ATP8B2: variants seen among roughly 807,000 people sequenced by gnomAD.
ATP8B2 encodes phospholipid-transporting ATPase ID.
ATP8B2 carries 70 observed loss-of-function variants against 133.4 expected under a neutral mutation model. The observed-to-expected ratio is 0.52, with a 90% CI of 0.43 to 0.64. The LOEUF (loss-of-function observed/expected upper bound fraction) is 0.64. Ranked by LOEUF, ATP8B2 falls within the 30% of genes least tolerant of loss-of-function variation. ATP8B2 has a pLI of 0.00. For missense variants in ATP8B2, 1,101 were observed against 1,535.7 expected, an observed-to-expected ratio of 0.72 and a Z score of 4.73; for synonymous variants, 517 against 589.5, an observed-to-expected ratio of 0.88 and a Z score of 1.78.
intron 1 of ATP8B2, 154 bp from the exon 2 acceptor site, chr1:154,327,951 A>G: frequency 6.5e-7 from 1 of 1,536,606 alleles, no homozygotes; most frequent in South Asian, 1.1e-5. Context: ...TTTCCCAGGA[A>G]CCCATCATGG....
rs768814051 is a variant in ATP8B2 at position 154,345,381 on chromosome 1, G to A, written c.2530G>A (p.Asp844Asn). 15 of 1,614,088 alleles carry A rather than the reference G, an allele frequency of 9.3e-6. No homozygotes were observed. The highest frequency in any genetic ancestry group is 1.7e-5 in the Admixed American group (1 of 59,992). ...QEGIQAVLAS[D>N]YSFSQFKFLQ... ...AGGGATCCAGGCTGTCTTGGCCTCC[G>A]ATTACTCCTTCTCCCAGTTCAAGTT... The change falls in exon 23 of 28, where the codon GAT (aspartate) becomes AAT (asparagine). Residue 844 changes from aspartate (D) to asparagine (N), a missense_variant. By Grantham distance (23) the Asp-to-Asn change is conservative (BLOSUM62 1). Transcript: ENST00000368489. The surrounding 1 kb of genome is among the most constrained non-coding windows in gnomAD (Gnocchi z 5.6).
In ATP8B2 at chr1:154,340,959, C is replaced by G; in HGVS notation, c.1140C>G (p.Asn380Lys). 1 of 1,614,176 alleles carries G rather than the reference C, an allele frequency of 6.2e-7. No homozygotes were observed. Among genetic ancestry groups the G allele is most frequent in the Non-Finnish European group, 8.5e-7 (1 of 1,180,034 alleles). ...TPAEARTTTL[N>K]EELGQVEYIF... ...CAGAAGCCCGCACCACCACCCTAAACGAGGAGCTGGGCCAGGTGGAGTACA... is the reference window on the plus strand; with the variant it reads ...CAGAAGCCCGCACCACCACCCTAAAGGAGGAGCTGGGCCAGGTGGAGTACA... Residue 380 changes from asparagine (N) to lysine (K), a missense_variant, in exon 13 of 28, where the codon AAC becomes AAG. Asn to Lys is a moderately conservative substitution (Grantham distance 94). Coordinates refer to ENST00000368489, the MANE Select transcript of ATP8B2 (RefSeq NM_001370597.1). The surrounding 1 kb of genome is among the most constrained non-coding windows in gnomAD (Gnocchi z 4.0).
chr1:154,331,301 C>T lies in ATP8B2; in HGVS notation c.304-143C>T, dbSNP rs868427458. On this transcript the variant is annotated intron_variant, in intron 5 of 27. Coordinates refer to ENST00000368489, the MANE Select transcript of ATP8B2 (RefSeq NM_001370597.1). The surrounding 1 kb of genome is among the most constrained non-coding windows in gnomAD (Gnocchi z 4.8). ...AGATCCATGATGTCTTTTTGCTGAGCGTGGGGAGAGGGAATCAGGGAGTGA... is the reference window on the plus strand; with the variant it reads ...AGATCCATGATGTCTTTTTGCTGAGTGTGGGGAGAGGGAATCAGGGAGTGA... 1.5e-5 allele frequency: 17 copies of T among 1,133,244 alleles called. No individual in the cohort carries two copies. The highest frequency in any genetic ancestry group is 2.7e-4 in the Middle Eastern group (1 of 3,652). 70.2% of individuals were successfully genotyped at this position (1,133,244 alleles called of 1,614,324 possible). A position where few individuals can be genotyped will look rare whatever the true frequency, so the allele number is the denominator to read the frequency against.
Position 154,332,611 on chromosome 1 carries a change from C to G in ATP8B2, c.510-7C>G. The G allele has an allele frequency of 6.3e-7, 1 of 1,581,256 alleles. No homozygotes were observed. Among genetic ancestry groups the G allele is most frequent in the Non-Finnish European group, 8.6e-7 (1 of 1,162,040 alleles). On this transcript the variant is annotated splice_region_variant and splice_polypyrimidine_tract_variant and intron_variant, in intron 8 of 27. Coordinates refer to ENST00000368489, the MANE Select transcript of ATP8B2 (RefSeq NM_001370597.1). ...GGAGCGGGGACTCAGAGATACTGTC[C>G]TTCCAGCGAGACCAACATGAAAGTA...
chr1:154,332,493 G>A lies in ATP8B2; in HGVS notation c.510-125G>A. On this transcript the variant is annotated intron_variant, in intron 8 of 27. Coordinates refer to ENST00000368489, the MANE Select transcript of ATP8B2 (RefSeq NM_001370597.1). ...GGATTGTTTGAGCCCAGGAGTTCGA[G>A]GCTTTAGTGAGCTATGATTGTGCGA... 2 of 736,952 alleles carry A rather than the reference G, an allele frequency of 2.7e-6. 1 individual carries two copies. Among genetic ancestry groups the A allele is most frequent in the Non-Finnish European group, 4.6e-6 (2 of 437,212 alleles). 45.7% of individuals were successfully genotyped at this position (736,952 alleles called of 1,614,324 possible).
At chr1:154,337,026 G>C (rs1455553115) in intron 11 of ATP8B2, among the ~76,000 whole-genome samples, 1 of 151,812 alleles carries the variant, frequency 6.6e-6, no homozygotes, top group Non-Finnish European at 1.5e-5. Context: ...TCAAACTCCT[G>C]ACCTCAGGTG....
In ATP8B2 at chr1:154,346,568, G is replaced by A. The variant is rs1570872361; in HGVS notation, c.3025-52G>A. On this transcript the variant is annotated intron_variant, in intron 25 of 27. Coordinates refer to ENST00000368489, the MANE Select transcript of ATP8B2 (RefSeq NM_001370597.1). This position sits in a 1 kb window ranked among gnomAD's most constrained non-coding sequence, Gnocchi z 4.5. ...CTGGGCACCACAGTTCTGTTTCTGG[G>A]GGAAGGGGCTTTTAGGGCGTGCGCC... 1 of 1,612,128 alleles carries A rather than the reference G, an allele frequency of 6.2e-7. No individual in the cohort carries two copies. Among genetic ancestry groups the A allele is most frequent in the East Asian group, 2.2e-5 (1 of 44,856 alleles).
chr1:154,342,712 G>A, intron 14 of ATP8B2, 84 bp from the exon 15 acceptor site: 1 of 1,528,494 alleles, frequency 6.5e-7, no homozygotes, highest in Non-Finnish European at 9.0e-7. Context: ...AGCCTACTGA[G>A]AGTTGGGAGG....
intron 1 of ATP8B2, among the ~76,000 whole-genome samples, chr1:154,326,676 C>T (rs1685803692): frequency 6.6e-6 from 1 of 152,212 alleles, no homozygotes; most frequent in South Asian, 2.1e-4. Flanking sequence ...TTTCCTGGTC[C>T]ATATCCAGAC....
At chr1:154,332,142 GA>G (rs1447729014) in intron 8 of ATP8B2, 118 bp downstream of exon 8, 1 of 1,000,142 alleles carries the variant, frequency 1.0e-6, no homozygotes. Flanking sequence ...TTAGGGGTAA[GA>G]AAGGCTTTGG....
At position 154,345,464 on chromosome 1, in the gene ATP8B2, T is replaced by C. The variant is rs1387079407; in HGVS notation, c.2613T>C (p.Phe871=). Residue 871 remains phenylalanine (F), a synonymous_variant, in exon 23 of 28, where the codon TTT becomes TTC. Coordinates refer to ENST00000368489, the MANE Select transcript of ATP8B2 (RefSeq NM_001370597.1). The surrounding 1 kb of genome is among the most constrained non-coding windows in gnomAD (Gnocchi z 5.6). ...GGTCCTACCTGCGAATGTGCAAGTTTCTTTGCTATTTCTTCTACAAAAACT... is the reference window on the plus strand; with the variant it reads ...GGTCCTACCTGCGAATGTGCAAGTTCCTTTGCTATTTCTTCTACAAAAACT... The part of the protein sequence containing the change: ...GRWSYLRMCK[F]LCYFFYKNFA... 1 of 1,614,108 alleles carries C rather than the reference T, an allele frequency of 6.2e-7. No homozygotes were observed. The highest frequency in any genetic ancestry group is 8.5e-7 in the Non-Finnish European group (1 of 1,180,050).
chr1:154,340,693 A>G lies in ATP8B2; in HGVS notation c.1035-161A>G, dbSNP rs2149170427. 7 of 676,096 alleles carry G rather than the reference A, an allele frequency of 1.0e-5. No homozygotes were observed. Among genetic ancestry groups the G allele is most frequent in the Non-Finnish European group, 1.3e-5 (5 of 384,632 alleles). The allele number at this position is 676,096 out of a possible 1,614,324, so 41.9% of individuals were successfully genotyped here. On this transcript the variant is annotated intron_variant, in intron 12 of 27. Coordinates refer to ENST00000368489, the MANE Select transcript of ATP8B2 (RefSeq NM_001370597.1). The surrounding 1 kb of genome is among the most constrained non-coding windows in gnomAD (Gnocchi z 4.0). ...CTGCTGGCTGTGTGCAGCCGGCTCC[A>G]CCTTCAGGCTCTCCTTGCCCTTTCC...
At chr1:154,339,896 T>A (rs1455704481) in intron 12 of ATP8B2, among the ~76,000 whole-genome samples, 2 of 152,070 alleles carry the variant, frequency 1.3e-5, no homozygotes. Context: ...AAAGGCACTA[T>A]AGGGGCCAGG....
Position 154,343,206 on chromosome 1 carries a change from A to C in ATP8B2, c.1547A>C (p.Lys516Thr). ...TTTGTTTTCCGCTCTCGCACCCCCAAAACAATCACCGTCCATGAGATGGGC... is the reference window on the plus strand; with the variant it reads ...TTTGTTTTCCGCTCTCGCACCCCCACAACAATCACCGTCCATGAGATGGGC... ...FGFVFRSRTP[K>T]TITVHEMGTA... The change falls in exon 16 of 28, where the codon AAA (lysine) becomes ACA (threonine). Residue 516 changes from lysine to threonine, a missense_variant. Coordinates refer to ENST00000368489, the MANE Select transcript of ATP8B2 (RefSeq NM_001370597.1). The surrounding 1 kb of genome is among the most constrained non-coding windows in gnomAD (Gnocchi z 5.8). 1 of 1,614,098 alleles carries C rather than the reference A, an allele frequency of 6.2e-7. No individual in the cohort carries two copies. The highest frequency in any genetic ancestry group is 1.1e-5 in the South Asian group (1 of 91,082).
chr1:154,346,192 C>T lies in ATP8B2; in HGVS notation c.2779-39C>T. 1 of 1,600,070 alleles carries T rather than the reference C, an allele frequency of 6.2e-7. No individual in the cohort carries two copies. Among genetic ancestry groups the T allele is most frequent in the South Asian group, 1.1e-5 (1 of 89,366 alleles). ...TGGTCATCCAGGGTCAAAACGGCAA[C>T]CTCTGAGGCCCCCTATGCTACATGG... On this transcript the variant is annotated intron_variant, in intron 24 of 27. Transcript: ENST00000368489. The surrounding 1 kb of genome is among the most constrained non-coding windows in gnomAD (Gnocchi z 4.5).
intron 11 of ATP8B2, among the ~76,000 whole-genome samples, chr1:154,335,244 C>A (rs1570855508): frequency 6.6e-6 from 1 of 152,184 alleles, no homozygotes; most frequent in African/African-American, 2.4e-5. Flanking sequence ...GGGCTCCAGT[C>A]GCCCCCTGGT....
rs773451517 is a variant in ATP8B2 at position 154,330,853 on chromosome 1, C to G, written c.129C>G (p.Thr43=). Residue 43 remains threonine, a synonymous_variant, in exon 4 of 28, where the codon ACC becomes ACG. Coordinates refer to ENST00000368489, the MANE Select transcript of ATP8B2 (RefSeq NM_001370597.1). ...AGACCTCCAAGTACAATATTCTCAC[C>G]TTCCTGCCTGTCAACCTCTTTGAGC... ...CIKTSKYNIL[T]FLPVNLFEQF... 3.6e-5 allele frequency: 58 copies of G among 1,614,062 alleles called. 1 individual carries two copies. Among genetic ancestry groups the G allele is most frequent in the Non-Finnish European group, 4.7e-5 (56 of 1,180,016 alleles).
chr1:154,344,484 G>T lies in ATP8B2; in HGVS notation c.2125G>T (p.Val709Leu). Residue 709 changes from valine to leucine, a missense_variant, in exon 20 of 28, where the codon GTG (valine) becomes TTG (leucine). Coordinates refer to ENST00000368489, the MANE Select transcript of ATP8B2 (RefSeq NM_001370597.1). This position sits in a 1 kb window ranked among gnomAD's most constrained non-coding sequence, Gnocchi z 4.1. ...AGTCACTGGCCATACTGTCCTGGAG[G>T]TGCGGGAGGAGCTCAGGTAAACAAG... is the stretch of plus-strand genomic sequence containing the variant. ...FIVTGHTVLE[V>L]REELRKAREK... The T allele has an allele frequency of 6.2e-7, 1 of 1,614,168 alleles. No individual in the cohort carries two copies. The highest frequency in any genetic ancestry group is 8.5e-7 in the Non-Finnish European group (1 of 1,180,024).
Position 154,349,708 on chromosome 1 carries a change from C to A in ATP8B2, c.*590C>A. 1 of 154,194 alleles carries A rather than the reference C, an allele frequency of 6.5e-6. No homozygotes were observed. The highest frequency in any genetic ancestry group is 1.4e-5 in the Non-Finnish European group (1 of 69,142). The allele number at this position is 154,194 out of a possible 1,614,324, so 9.6% of individuals were successfully genotyped here. A position where few individuals can be genotyped will look rare whatever the true frequency, so the allele number is the denominator to read the frequency against. On this transcript the variant is annotated 3_prime_UTR_variant, in exon 28 of 28. Coordinates refer to ENST00000368489, the MANE Select transcript of ATP8B2 (RefSeq NM_001370597.1). Reference sequence around the variant, plus strand: ...TCTTAACTCTCCTGGGAAAAGGAGGCTGGCACACACTGGGATGCCGCAGCC... The same window carrying A: ...TCTTAACTCTCCTGGGAAAAGGAGGATGGCACACACTGGGATGCCGCAGCC...
Sources: allele counts gnomAD v4.1 joint callset (sites outside exome capture counted in the v4.1 genomes callset), GRCh38; gene constraint gnomAD v4.1.1; non-coding constraint Gnocchi (gnomAD v3.1); transcripts MANE v1.5; gene names NCBI Gene and HGNC (gene_info 2026-07-23, HGNC 2026-07-21).